ANKRD36C: variants seen among roughly 807,000 people sequenced by gnomAD.
ANKRD36C encodes ankyrin repeat domain-containing protein 36C.
Under a neutral mutation model 276.4 loss-of-function variants are expected in ANKRD36C, and 61 were observed. The observed-to-expected ratio is 0.22, with a 90% confidence interval of 0.18 to 0.27. The LOEUF (loss-of-function observed/expected upper bound fraction) is 0.27. ANKRD36C is among the 10% of genes least tolerant of loss of function. ANKRD36C has a pLI of 1.00. For synonymous variants in ANKRD36C, 483 were observed against 680.1 expected (o/e 0.71, Z 4.51); for missense variants, 1,447 against 2,032.3 (o/e 0.71, Z 5.54).
chr2:95,914,225 T>A (rs1220219618), intron 39 of ANKRD36C, 45 bp from the exon 42 acceptor site: 7 of 1,560,848 alleles, frequency 4.5e-6, no homozygotes, highest in Non-Finnish European at 6.1e-6. Context: ...AAAGTATGTT[T>A]CATAGACTAT....
At chr2:95,850,303 T>C (rs1201174350), downstream of ANKRD36C, among the ~76,000 whole-genome samples, 2 of 152,270 alleles carry the variant, frequency 1.3e-5, no homozygotes, top group Admixed American at 6.5e-5. Context: ...AACTGTATGC[T>C]ATAATCTGAA....
intron 20 of ANKRD36C, among the ~76,000 whole-genome samples, chr2:95,939,924 C>G (rs1395671606): frequency 5.3e-5 from 8 of 152,290 alleles, no homozygotes; most frequent in African/African-American, 1.9e-4. Context: ...GTATGCATTA[C>G]ACATCAAATA....
chr2:95,908,895 T>C (rs556373465), intron 42 of ANKRD36C, among the ~76,000 whole-genome samples, 198 bp from the exon 47 acceptor site: 230 of 151,270 alleles, frequency 1.5e-3, no homozygotes, highest in African/African-American at 5.2e-3. Flanking sequence ...CGAAATATAG[T>C]CTTAGAATTT....
At chr2:95,932,813 G>T (rs1318006832) in intron 24 of ANKRD36C, among the ~76,000 whole-genome samples, 1 of 152,252 alleles carries the variant, frequency 6.6e-6, no homozygotes, top group African/African-American at 2.4e-5. Context: ...GGCTTTTGTT[G>T]CCATTGCTTT....
exon 12 of ANKRD36C, chr2:95,958,596 C>T (rs751029441): frequency 6.5e-7 from 1 of 1,545,398 alleles, no homozygotes; most frequent in Non-Finnish European, 8.7e-7. Flanking sequence ...ATTACCTGTC[C>T]CAGATTTTTG....
chr2:95,917,765 C>A, intron 36 of ANKRD36C, 90 bp downstream of exon 38: 2 of 1,483,440 alleles, frequency 1.3e-6, no homozygotes, highest in East Asian at 2.5e-5. Flanking sequence ...TGGCGAGCAC[C>A]CCCAACCGCC....
chr2:95,942,011 T>C (rs1197985970), intron 19 of ANKRD36C, among the ~76,000 whole-genome samples: 1 of 152,238 alleles, frequency 6.6e-6, no homozygotes, highest in Non-Finnish European at 1.5e-5. Flanking sequence ...TGTTATTTAC[T>C]AAAATTGGGA....
At chr2:95,855,737 A>G (rs113253832) in exon 63 of ANKRD36C, 2 of 1,613,678 alleles carry the variant, frequency 1.2e-6, no homozygotes, top group Non-Finnish European at 1.7e-6. Flanking sequence ...TCAGAACATG[A>G]GAATTCAAAT....
chr2:95,886,103 T>A, exon 52 of ANKRD36C: 1 of 1,610,540 alleles, frequency 6.2e-7, no homozygotes, highest in Non-Finnish European at 8.5e-7. Flanking sequence ...AAACAGAATC[T>A]TTCTTGACAC....
At chr2:95,851,824 T>C in intron 65 of ANKRD36C, 37 bp from the exon 86 acceptor site, 2 of 1,506,304 alleles carry the variant, frequency 1.3e-6, no homozygotes. Context: ...CTCTCACACA[T>C]AATTGTTTTT....
chr2:95,965,450 C>T (rs1288089836), intron 6 of ANKRD36C, among the ~76,000 whole-genome samples: 6 of 152,150 alleles, frequency 3.9e-5, no homozygotes, highest in African/African-American at 1.4e-4. Flanking sequence ...TCCTTACTGT[C>T]ATTCTCTGAA....
At chr2:95,971,322 G>A (rs1230263405) in intron 6 of ANKRD36C, among the ~76,000 whole-genome samples, 1 of 136,038 alleles carries the variant, frequency 7.4e-6, no homozygotes, top group Non-Finnish European at 1.6e-5. Context: ...ATGGACTTTG[G>A]GTGATTATTA....
At chr2:95,926,177 C>T (rs191584255) in intron 28 of ANKRD36C, among the ~76,000 whole-genome samples, 8 of 151,478 alleles carry the variant, frequency 5.3e-5, no homozygotes, top group Admixed American at 1.3e-4. Flanking sequence ...CTCTAGTTTA[C>T]GCTACAGAAA....
intron 64 of ANKRD36C, 22 bp downstream of exon 84, chr2:95,853,687 G>T (rs776795948): frequency 8.3e-6 from 13 of 1,561,910 alleles, no homozygotes; most frequent in Non-Finnish European, 8.7e-6. Context: ...ACAGTTGTTG[G>T]TGTGCAAAGT....
intron 20 of ANKRD36C, among the ~76,000 whole-genome samples, chr2:95,940,400 G>T (rs1369005970): frequency 5.1e-4 from 69 of 134,458 alleles, no homozygotes; most frequent in South Asian, 1.5e-3. Flanking sequence ...TAAATTTCTC[G>T]TTTGTTTTTT....
chr2:95,975,045 G>C (rs1259443846), intron 6 of ANKRD36C, among the ~76,000 whole-genome samples: 2 of 151,808 alleles, frequency 1.3e-5, no homozygotes, highest in Admixed American at 1.3e-4. Flanking sequence ...TCTTAATCCA[G>C]TCTATCAGTG....
intron 62 of ANKRD36C, among the ~76,000 whole-genome samples, chr2:95,857,040 G>T (rs1162884848): frequency 1.3e-5 from 2 of 152,086 alleles, no homozygotes; most frequent in African/African-American, 4.8e-5. Flanking sequence ...GGGAAAATAT[G>T]CTGAACTATG....
At chr2:95,867,698 C>G (rs1675711475) in intron 59 of ANKRD36C, 117 bp from the exon 80 acceptor site, 2 of 1,481,462 alleles carry the variant, frequency 1.4e-6, no homozygotes, top group Non-Finnish European at 9.0e-7. Context: ...GGTACCTGTT[C>G]TGTACTTTTT....
chr2:95,957,271 G>A (rs4638838), intron 12 of ANKRD36C, among the ~76,000 whole-genome samples: 2 of 152,036 alleles, frequency 1.3e-5, no homozygotes, highest in African/African-American at 2.4e-5. Context: ...CCAGGATCAC[G>A]CATGTCTTTC....
Sources: allele counts gnomAD v4.1 joint callset (sites outside exome capture counted in the v4.1 genomes callset), GRCh38; gene constraint gnomAD v4.1.1; transcripts MANE v1.5; gene names NCBI Gene and HGNC (gene_info 2026-07-23, HGNC 2026-07-21).